Variants in PCDHA4 observed in about 807,000 individuals in gnomAD.
The protein encoded by PCDHA4 is protocadherin alpha-4.
PCDHA4 carries 49 observed loss-of-function variants against 61.4 expected under a neutral mutation model. That is an observed-to-expected ratio of 0.80 (90% CI 0.63 to 1.01). The LOEUF (loss-of-function observed/expected upper bound fraction) is 1.01, where lower values mean the gene tolerates loss of function less well. Among genes scored for constraint, PCDHA4 ranks in the 50% least tolerant of loss-of-function variants. The pLI, the probability that PCDHA4 is intolerant of heterozygous loss-of-function variation, is 0.00. For missense variants in PCDHA4, 1,254 were observed against 1,235.8 expected (o/e 1.01, Z -0.22); for synonymous variants, 590 against 550.3 (o/e 1.07, Z -1.01).
At chr5:140,910,780 C>T (rs2075160544) in intron 1 of PCDHA4, among the ~76,000 whole-genome samples, 1 of 152,192 alleles carries the variant, frequency 6.6e-6, no homozygotes, top group South Asian at 2.1e-4. Flanking sequence ...CAAGCTGCAA[C>T]ATTAAATGCA....
At chr5:140,836,901 A>G (rs1554136348) in intron 1 of PCDHA4, 1 of 593,604 alleles carries the variant, frequency 1.7e-6, no homozygotes, top group Non-Finnish European at 2.8e-6. Flanking sequence ...AAGTACGTTT[A>G]ATATACACTT....
intron 1 of PCDHA4, among the ~76,000 whole-genome samples, chr5:140,919,536 C>A (rs1554199151): frequency 6.6e-6 from 1 of 151,864 alleles, no homozygotes; most frequent in Admixed American, 6.6e-5. Context: ...TTTTCCTATA[C>A]TTTTCATTTA....
chr5:140,886,014 CTA>C (rs1317969139), intron 1 of PCDHA4, among the ~76,000 whole-genome samples: 1 of 152,078 alleles, frequency 6.6e-6, no homozygotes, highest in Non-Finnish European at 1.5e-5. Flanking sequence ...AAGGGAGATG[CTA>C]TGTATTCTTC....
rs1554254172 is a variant in PCDHA4, at chr5:140,994,436, C to G, written c.2533+11873C>G. On this transcript the variant is annotated intron_variant, in intron 3 of 3. Coordinates refer to ENST00000530339, the MANE Select transcript of PCDHA4 (RefSeq NM_018907.4). ...TGGATATTGAGGCCGGGCGCAGTGG[C>G]TCACACCTGTGATCCCAGCACTTTG... 1.3e-5 allele frequency among the ~76,000 whole-genome samples: 2 copies of G among 152,164 alleles called. 1 individual carries two copies. Among genetic ancestry groups the G allele is most frequent in the African/African-American group, 4.8e-5 (2 of 41,432 alleles).
chr5:140,807,952 T>C lies in PCDHA4; in HGVS notation c.765T>C (p.Val255=). The stretch of plus-strand genomic sequence containing the variant: ...ATAAGGTGAGATTACTAGAAAATGT[T>C]CCTAATGGAACATTGGTAATTAAAC... ...TIYKVRLLEN[V]PNGTLVIKLN... Residue 255 remains valine, a synonymous_variant, in exon 1 of 4, where the codon GTT becomes GTC. Coordinates refer to ENST00000530339, the MANE Select transcript of PCDHA4 (RefSeq NM_018907.4). 1 of 1,614,140 alleles carries C rather than the reference T, an allele frequency of 6.2e-7. No homozygotes were observed. The highest frequency in any genetic ancestry group is 1.1e-5 in the South Asian group (1 of 91,088).
At chr5:140,891,078 T>G (rs1554184657) in intron 1 of PCDHA4, among the ~76,000 whole-genome samples, 1 of 152,198 alleles carries the variant, frequency 6.6e-6, no homozygotes, top group Admixed American at 6.6e-5. Flanking sequence ...CAGTGTCTAC[T>G]GGTTTCCATT....
chr5:140,959,424 G>A (rs957625236), intron 1 of PCDHA4, among the ~76,000 whole-genome samples: 1 of 152,104 alleles, frequency 6.6e-6, no homozygotes, highest in Non-Finnish European at 1.5e-5. Context: ...CTGAGAATTT[G>A]TGTATTTTTT....
chr5:140,935,605 T>C (rs1554210594), intron 1 of PCDHA4, among the ~76,000 whole-genome samples: 4 of 152,228 alleles, frequency 2.6e-5, no homozygotes. Flanking sequence ...AGAGCTAGGC[T>C]TTTTTCAAGT....
At chr5:140,823,546 G>A in intron 1 of PCDHA4, 1 of 1,613,872 alleles carries the variant, frequency 6.2e-7, no homozygotes. Flanking sequence ...CCACGTGGTG[G>A]CGAAGGTGCG....
At chr5:140,826,319 GT>G (rs1554130524) in intron 1 of PCDHA4, among the ~76,000 whole-genome samples, 1 of 147,564 alleles carries the variant, frequency 6.8e-6, no homozygotes, top group African/African-American at 2.7e-5. Context: ...TTTGGGGATT[GT>G]TTTTGGTTAA....
intron 1 of PCDHA4, chr5:140,870,475 G>A (rs1554164304): frequency 1.2e-6 from 2 of 1,614,096 alleles, no homozygotes; most frequent in Admixed American, 1.7e-5. Context: ...CGCACAGCCC[G>A]AGTACACCGT....
chr5:140,808,226 G>A lies in PCDHA4; in HGVS notation c.1039G>A (p.Val347Ile), dbSNP rs781997351. 3.7e-6 allele frequency: 6 copies of A among 1,614,116 alleles called. No individual in the cohort carries two copies. Among genetic ancestry groups the A allele is most frequent in the Non-Finnish European group, 5.1e-6 (6 of 1,180,038 alleles). The change falls in exon 1 of 4, where the codon GTC (valine) becomes ATC (isoleucine). Residue 347 changes from valine (V) to isoleucine (I), a missense_variant. Physicochemically the swap from Val to Ile is conservative, Grantham distance 29. Transcript: ENST00000530339. ...GGAAGTAGAAGACAACAACGATAAT[G>A]TCCCAGATTTGGAATTCAAGTCTTT... ...IVEVEDNNDN[V>I]PDLEFKSLSL... is the part of the protein sequence containing the mutation.
At chr5:140,955,163 TTTGG>T (rs1445630947) in intron 1 of PCDHA4, among the ~76,000 whole-genome samples, 2 of 152,184 alleles carry the variant, frequency 1.3e-5, no homozygotes, top group Admixed American at 6.5e-5. Flanking sequence ...ACCGTGCTGT[TTTGG>T]TTACTGTAGT....
chr5:140,969,140 T>G, intron 1 of PCDHA4: 1 of 1,613,980 alleles, frequency 6.2e-7, no homozygotes, highest in Non-Finnish European at 8.5e-7. Flanking sequence ...CAAGACCTAC[T>G]GCTACAAGGC....
At position 140,852,209 on chromosome 5, in the gene PCDHA4, A is replaced by AATTTTTATTTT. The variant is rs1554145712; in HGVS notation, c.2385+42638_2385+42639insTTTTTATTTTA. The AATTTTTATTTT allele has an allele frequency of 1.2e-5, 8 of 650,776 alleles. No homozygotes were observed. The East Asian group carries it at 1.1e-3, about 87-fold the overall frequency. 40.3% of individuals were successfully genotyped at this position (650,776 alleles called of 1,614,324 possible). ...AATGCCAGTAACGTTTATTTAAAAC[A>AATTTTTATTTT]AAATATTTTAATTTTTAAATTTTCC... is the stretch of plus-strand genomic sequence containing the variant. On this transcript the variant is annotated intron_variant, in intron 1 of 3. Coordinates refer to ENST00000530339, the MANE Select transcript of PCDHA4 (RefSeq NM_018907.4).
In PCDHA4 at chr5:140,857,821, T is replaced by G. The variant is rs782136833; in HGVS notation, c.2385+48249T>G. On this transcript the variant is annotated intron_variant, in intron 1 of 3. Transcript: ENST00000530339. The stretch of plus-strand genomic sequence containing the variant: ...CGGTGGTTGCGGGTCACGTGGTGGC[T>G]AAGGTGCGCGCAGTGGACGCTGACT... 1.3e-5 allele frequency: 21 copies of G among 1,597,530 alleles called. 3 individuals carry two copies. Among genetic ancestry groups the G allele is most frequent in the East Asian group, 2.2e-5 (1 of 44,830 alleles).
In PCDHA4 at chr5:140,808,775, C is replaced by G. The variant is rs1764260892; in HGVS notation, c.1588C>G (p.Leu530Val). 2 of 1,612,378 alleles carry G rather than the reference C, an allele frequency of 1.2e-6. No individual in the cohort carries two copies. Among genetic ancestry groups the G allele is most frequent in the Non-Finnish European group, 8.5e-7 (1 of 1,179,830 alleles). Residue 530 changes from leucine (L) to valine (V), a missense_variant, in exon 1 of 4, where the codon CTG (leucine) becomes GTG (valine). Transcript: ENST00000530339. ...GCCGCTGGACCACGAGGAGCTAGAGCTGCTGCAGTTTCAGGTGACCGCTCG... is the reference window on the plus strand; with the variant it reads ...GCCGCTGGACCACGAGGAGCTAGAGGTGCTGCAGTTTCAGGTGACCGCTCG... ...LQPLDHEELE[L>V]LQFQVTARDA...
intron 1 of PCDHA4, among the ~76,000 whole-genome samples, chr5:140,819,417 A>G (rs2150104131): frequency 3.9e-5 from 6 of 152,196 alleles, no homozygotes; most frequent in African/African-American, 1.4e-4. Context: ...ACACTTTAAT[A>G]TACTACACAG....
intron 1 of PCDHA4, among the ~76,000 whole-genome samples, chr5:140,918,826 C>T (rs200767772): frequency 2.0e-5 from 3 of 149,724 alleles, no homozygotes; most frequent in African/African-American, 7.4e-5. Flanking sequence ...AAGTGGCCCC[C>T]TCCCCAGACA....
Sources: allele counts gnomAD v4.1 joint callset (sites outside exome capture counted in the v4.1 genomes callset), GRCh38; gene constraint gnomAD v4.1.1; transcripts MANE v1.5; gene names NCBI Gene and HGNC (gene_info 2026-07-23, HGNC 2026-07-21).